Variants in ITPKB observed in about 807,000 individuals in gnomAD.
ITPKB encodes the protein IP3 3-kinase B.
Under a neutral mutation model 69.4 loss-of-function variants are expected in ITPKB, and 13 were observed. The ratio of observed to expected loss-of-function variants is 0.19; its 90% CI spans 0.12 to 0.30. ITPKB has a LOEUF of 0.30. Among genes scored for constraint, ITPKB ranks in the 10% least tolerant of loss-of-function variants. ITPKB has a pLI of 1.00. For synonymous variants in ITPKB, 584 were observed against 513.7 expected (o/e 1.14, Z -1.85); for missense variants, 1,240 against 1,250.5 (o/e 0.99, Z 0.13).
intron 2 of ITPKB, among the ~76,000 whole-genome samples, chr1:226,711,442 A>AGAGT (rs1491474441): frequency 6.7e-4 from 69 of 102,350 alleles, no homozygotes; most frequent in South Asian, 4.7e-3. Context: ...AGAGAGAGAG[A>AGAGT]GTGTGTGTGT....
At chr1:226,678,478 T>C (rs1000897870) in intron 2 of ITPKB, among the ~76,000 whole-genome samples, 2 of 152,222 alleles carry the variant, frequency 1.3e-5, no homozygotes, top group Non-Finnish European at 2.9e-5. Flanking sequence ...TCTAGTCTAG[T>C]GGTTAGGAAC....
At chr1:226,659,051 C>G (rs1669351806) in intron 2 of ITPKB, among the ~76,000 whole-genome samples, 1 of 152,178 alleles carries the variant, frequency 6.6e-6, no homozygotes, top group Admixed American at 6.5e-5. Context: ...CTGGCTGACT[C>G]TTTTTGAGGG....
In ITPKB at chr1:226,729,499, A is replaced by G. The variant is rs537787056; in HGVS notation, c.1932+6028T>C. On this transcript the variant is annotated intron_variant, in intron 2 of 7. Transcript: ENST00000429204. ...TCCACCTCAAAAAAAAAAAAAAAAA[A>G]GGAAATGAGCTCTAAAGCCTGTCCC... is the stretch of plus-strand genomic sequence containing the variant. Among the ~76,000 whole-genome samples the G allele has an allele frequency of 5.7e-4, 86 of 150,342 alleles. No homozygotes were observed. In the East Asian group the frequency reaches 0.014, roughly 25 times the overall value.
Position 226,736,119 on chromosome 1 carries a change from G to C in ITPKB, c.1340C>G (p.Ser447Cys). 13 of 1,597,706 alleles carry C rather than the reference G, an allele frequency of 8.1e-6. No individual in the cohort carries two copies. The highest frequency in any genetic ancestry group is 1.1e-5 in the Non-Finnish European group (13 of 1,171,084). ...WQLSDRVEGG[S>C]PTLGLLGGSP... ...GCCCCCAAGCAAGCCCAGCGTTGGGGACCCTCCCTCCACTCTGTCGGAGAG... is the reference window on the plus strand; with the variant it reads ...GCCCCCAAGCAAGCCCAGCGTTGGGCACCCTCCCTCCACTCTGTCGGAGAG... The change falls in exon 2 of 8, where the codon TCC (serine) becomes TGC (cysteine). Residue 447 changes from serine (S) to cysteine (C), a missense_variant. Ser to Cys is a moderately radical substitution (Grantham distance 112). Around this residue, in one of 2 missense-constraint regions of ITPKB, gnomAD observed 992 missense variants for 853.8 expected, o/e 1.16. Coordinates refer to ENST00000429204, the MANE Select transcript of ITPKB (RefSeq NM_002221.4).
chr1:226,703,504 C>A (rs1656724040), intron 2 of ITPKB, among the ~76,000 whole-genome samples: 1 of 152,180 alleles, frequency 6.6e-6, no homozygotes, highest in African/African-American at 2.4e-5. Context: ...TGCCCGGCCC[C>A]CACCTCCTCT....
chr1:226,664,738 T>A (rs1381190264), intron 2 of ITPKB, among the ~76,000 whole-genome samples: 1 of 152,200 alleles, frequency 6.6e-6, no homozygotes, highest in Non-Finnish European at 1.5e-5. Flanking sequence ...GTCATTTGAA[T>A]CTTCGGAAAA....
At chr1:226,683,017 C>T (rs1393052400) in intron 2 of ITPKB, among the ~76,000 whole-genome samples, 1 of 152,188 alleles carries the variant, frequency 6.6e-6, no homozygotes, top group Non-Finnish European at 1.5e-5. Flanking sequence ...GTCTGTCTGC[C>T]CACAGACTCA....
At chr1:226,676,343 A>G (rs1669734362) in intron 2 of ITPKB, 1 of 152,244 alleles carries the variant, frequency 6.6e-6, no homozygotes, top group Non-Finnish European at 1.5e-5. Context: ...CAAAGAACTC[A>G]TAAATTATTT....
Position 226,691,798 on chromosome 1 carries a change from T to C in ITPKB, c.1933-43027A>G, listed in dbSNP as rs141153619. ...ATGTTCTGTTTATGTCTCCCCATCA[T>C]GTCATTGTGATGGATTCAATTTTAA... On this transcript the variant is annotated intron_variant, in intron 2 of 7. Coordinates refer to ENST00000429204, the MANE Select transcript of ITPKB (RefSeq NM_002221.4). Among the ~76,000 whole-genome samples, 33 of 152,332 alleles carry C rather than the reference T, an allele frequency of 2.2e-4. No homozygotes were observed. In the East Asian group the frequency reaches 5.8e-3, roughly 27 times the overall value.
intron 2 of ITPKB, among the ~76,000 whole-genome samples, chr1:226,702,462 C>T (rs1341011790): frequency 2.0e-5 from 3 of 151,528 alleles, no homozygotes; most frequent in African/African-American, 7.3e-5. Context: ...TGGTGAGGTA[C>T]AGAAAAAGGA....
intron 2 of ITPKB, among the ~76,000 whole-genome samples, chr1:226,649,493 TG>T (rs1253413589): frequency 6.6e-6 from 1 of 150,674 alleles, no homozygotes; most frequent in Non-Finnish European, 1.5e-5. Flanking sequence ...TGTGCATCAG[TG>T]TGTGCATGCG....
chr1:226,689,552 T>G (rs548695698), intron 2 of ITPKB, among the ~76,000 whole-genome samples: 5 of 150,504 alleles, frequency 3.3e-5, no homozygotes, highest in Non-Finnish European at 7.4e-5. Flanking sequence ...TTTTTTTCCT[T>G]TGTCGGAAGG....
At chr1:226,692,280 T>C (rs1656376504) in intron 2 of ITPKB, among the ~76,000 whole-genome samples, 1 of 152,114 alleles carries the variant, frequency 6.6e-6, no homozygotes, top group African/African-American at 2.4e-5. Context: ...TTGTTTTTTA[T>C]AATCCTGCTT....
chr1:226,671,499 G>A (rs1052834849), intron 2 of ITPKB, among the ~76,000 whole-genome samples: 5 of 152,194 alleles, frequency 3.3e-5, no homozygotes, highest in Admixed American at 6.5e-5. Flanking sequence ...TGTTCTAGCC[G>A]CAGGTGATTT....
chr1:226,656,658 T>C (rs1287443718), intron 2 of ITPKB: 3 of 152,244 alleles, frequency 2.0e-5, no homozygotes, highest in Admixed American at 6.5e-5. Flanking sequence ...CCATCAAGAT[T>C]TTAAAAGGCA....
chr1:226,649,223 C>T (rs906510343), intron 2 of ITPKB, among the ~76,000 whole-genome samples: 11 of 151,332 alleles, frequency 7.3e-5, no homozygotes, highest in African/African-American at 2.4e-4. Context: ...CTCTGCACCG[C>T]GCTCCGCCCT....
intron 2 of ITPKB, among the ~76,000 whole-genome samples, chr1:226,716,159 A>G (rs1297065839): frequency 6.6e-6 from 1 of 152,222 alleles, no homozygotes; most frequent in Non-Finnish European, 1.5e-5. Flanking sequence ...ATGTTCATAC[A>G]CTTCTAACCA....
intron 2 of ITPKB, among the ~76,000 whole-genome samples, chr1:226,653,110 A>G (rs1669227635): frequency 1.3e-5 from 2 of 152,194 alleles, no homozygotes; most frequent in Admixed American, 1.3e-4. Context: ...CCCGGGTTAG[A>G]GAATTATGGC....
chr1:226,683,609 A>G (rs1045649312), intron 2 of ITPKB, among the ~76,000 whole-genome samples: 2 of 152,152 alleles, frequency 1.3e-5, no homozygotes, highest in East Asian at 3.9e-4. Flanking sequence ...TGAAGTGGAG[A>G]CGGTGGCGGG....
Sources: allele counts gnomAD v4.1 joint callset (sites outside exome capture counted in the v4.1 genomes callset), GRCh38; gene constraint gnomAD v4.1.1; regional missense constraint gnomAD v4.1.1; transcripts MANE v1.5; gene names NCBI Gene and HGNC (gene_info 2026-07-23, HGNC 2026-07-21).